The following ABTB2 variants were observed in gnomAD, a reference collection of about 807,000 sequenced individuals.
ABTB2 encodes ankyrin repeat and BTB domain containing 2, also known as ankyrin repeat and BTB/POZ domain-containing protein 2.
ABTB2 carries 56 observed loss-of-function variants against 104.1 expected under a neutral mutation model. The observed-to-expected ratio is 0.54, with a 90% CI of 0.43 to 0.67. The LOEUF is 0.67. Ranked by LOEUF, ABTB2 falls within the 30% of genes least tolerant of loss-of-function variation. The pLI is 0.00. For missense variants in ABTB2, 1,279 were observed against 1,407.7 expected (o/e 0.91, Z 1.46); for synonymous variants, 606 against 608.2 (o/e 1.00, Z 0.05).
chr11:34,309,500 A>C (rs1854824038), intron 1 of ABTB2, among the ~76,000 whole-genome samples: 2 of 152,228 alleles, frequency 1.3e-5, no homozygotes, highest in Admixed American at 6.5e-5. Context: ...TGCTGGGAGC[A>C]GAGGAGAAAC....
chr11:34,324,250 A>G (rs1165826780), intron 1 of ABTB2, among the ~76,000 whole-genome samples: 1 of 152,184 alleles, frequency 6.6e-6, no homozygotes, highest in Non-Finnish European at 1.5e-5. Context: ...CAACAGTCCT[A>G]TGAGGACAGA....
intron 12 of ABTB2, 118 bp downstream of exon 12, chr11:34,160,130 A>G: frequency 7.9e-7 from 1 of 1,266,798 alleles, no homozygotes; most frequent in Non-Finnish European, 1.1e-6. Context: ...GAACAGAGAA[A>G]CTGAGGCTGG....
intron 16 of ABTB2, among the ~76,000 whole-genome samples, chr11:34,153,357 A>T (rs1397100568): frequency 6.6e-6 from 1 of 152,006 alleles, no homozygotes; most frequent in Non-Finnish European, 1.5e-5. Context: ...GGAGTAACAC[A>T]GTCTTTGTAC....
chr11:34,170,526 A>G (rs1247838208), intron 5 of ABTB2, among the ~76,000 whole-genome samples: 1 of 152,160 alleles, frequency 6.6e-6, no homozygotes, highest in Non-Finnish European at 1.5e-5. Context: ...TGGTATCTCC[A>G]TGAGGACAAG....
chr11:34,240,369 C>A (rs1853899868), intron 1 of ABTB2, among the ~76,000 whole-genome samples: 2 of 152,188 alleles, frequency 1.3e-5, no homozygotes, highest in African/African-American at 4.8e-5. Flanking sequence ...ATCCACCTGG[C>A]CACTGCACAA....
intron 3 of ABTB2, among the ~76,000 whole-genome samples, chr11:34,184,629 C>T (rs1463955567): frequency 6.6e-6 from 1 of 152,252 alleles, no homozygotes; most frequent in African/African-American, 2.4e-5. Context: ...GGACATCTGC[C>T]TCATTTCTCA....
At chr11:34,218,882 T>C (rs1168877218) in intron 1 of ABTB2, among the ~76,000 whole-genome samples, 10 of 151,132 alleles carry the variant, frequency 6.6e-5, no homozygotes, top group Non-Finnish European at 1.5e-5. Flanking sequence ...AGACTATCCA[T>C]TGTTTACCTT....
At chr11:34,268,931 T>G (rs942965458) in intron 1 of ABTB2, among the ~76,000 whole-genome samples, 2 of 152,160 alleles carry the variant, frequency 1.3e-5, no homozygotes, top group Non-Finnish European at 1.5e-5. Flanking sequence ...GCTAACTACA[T>G]CCACACCTAC....
At chr11:34,211,557 A>C (rs12286749) in intron 1 of ABTB2, among the ~76,000 whole-genome samples, 23,172 of 152,020 alleles carry the variant, frequency 0.15, 1,875 homozygotes, top group East Asian at 0.27. Flanking sequence ...GTGGAATGGA[A>C]TATGCCCCAG....
chr11:34,165,732 G>A (rs566059973), intron 7 of ABTB2, among the ~76,000 whole-genome samples: 5 of 152,370 alleles, frequency 3.3e-5, no homozygotes, highest in South Asian at 2.1e-4. Flanking sequence ...GTGGCAGCAC[G>A]TGTTGGAGTC....
At chr11:34,163,319 T>C (rs1852750329) in intron 9 of ABTB2, among the ~76,000 whole-genome samples, 1 of 152,188 alleles carries the variant, frequency 6.6e-6, no homozygotes, top group South Asian at 2.1e-4. Context: ...CCCTTCATGT[T>C]GATAAGGATG....
intron 1 of ABTB2, among the ~76,000 whole-genome samples, chr11:34,275,484 T>C (rs1854372396): frequency 1.4e-5 from 2 of 148,070 alleles, no homozygotes; most frequent in Non-Finnish European, 3.0e-5. Context: ...CAGGGCTCTC[T>C]TTTTTTTTTG....
chr11:34,286,796 G>A (rs1172062691), intron 1 of ABTB2, among the ~76,000 whole-genome samples: 1 of 152,172 alleles, frequency 6.6e-6, no homozygotes, highest in Non-Finnish European at 1.5e-5. Flanking sequence ...TCCCCTTGGA[G>A]GCTTAGAAAC....
intron 3 of ABTB2, 34 bp downstream of exon 3, chr11:34,197,291 C>T (rs766286554): frequency 6.2e-7 from 1 of 1,606,554 alleles, no homozygotes; most frequent in South Asian, 1.1e-5. Context: ...GGGAGCACGT[C>T]CCACCAGGTG....
intron 1 of ABTB2, among the ~76,000 whole-genome samples, chr11:34,288,054 A>C (rs1335105693): frequency 6.6e-6 from 1 of 152,058 alleles, no homozygotes; most frequent in East Asian, 1.9e-4. Context: ...TGAATCCCAA[A>C]TCCATGAAAA....
At chr11:34,334,306 T>A (rs1365680135) in intron 1 of ABTB2, among the ~76,000 whole-genome samples, 1 of 152,194 alleles carries the variant, frequency 6.6e-6, no homozygotes, top group African/African-American at 2.4e-5. Flanking sequence ...TCCAGGCAAC[T>A]TAAATATCCC....
In ABTB2 at chr11:34,154,871, T is replaced by TGACCCTCTGCAGGTCCCC; in HGVS notation, c.2698-103_2698-102insGGGGACCTGCAGAGGGTC. The TGACCCTCTGCAGGTCCCC allele has an allele frequency of 8.8e-7, 1 of 1,142,794 alleles. No homozygotes were observed. Among genetic ancestry groups the TGACCCTCTGCAGGTCCCC allele is most frequent in the Non-Finnish European group, 1.3e-6 (1 of 774,074 alleles). The allele number at this position is 1,142,794 out of a possible 1,614,324, so 70.8% of individuals were successfully genotyped here. On this transcript the variant is annotated intron_variant, in intron 14 of 16. Coordinates refer to ENST00000435224, the MANE Select transcript of ABTB2 (RefSeq NM_145804.3). This position sits in a 1 kb window ranked among gnomAD's most constrained non-coding sequence, Gnocchi z 4.9. ...GCTCCAGCTGCCGCCTCCAGGGGCCTGTCCCTCTGCAGGTCCCCAGCTCTG... is the reference window on the plus strand; with the variant it reads ...GCTCCAGCTGCCGCCTCCAGGGGCCTGACCCTCTGCAGGTCCCCGTCCCTCTGCAGGTCCCCAGCTCTG...
intron 3 of ABTB2, among the ~76,000 whole-genome samples, chr11:34,184,659 G>A (rs1041991039): frequency 2.0e-5 from 3 of 152,244 alleles, no homozygotes; most frequent in Admixed American, 1.3e-4. Flanking sequence ...TCCCCAGCAT[G>A]GCTGCCCCAG....
chr11:34,171,089 A>G lies in ABTB2; in HGVS notation c.1398-18T>C. On this transcript the variant is annotated intron_variant, in intron 4 of 16. Coordinates refer to ENST00000435224, the MANE Select transcript of ABTB2 (RefSeq NM_145804.3). ...GTTCGGGTCTGCCCAGAAGAGACCC[A>G]AAGGTGCGTGTGACTGTATGCAGAC... The G allele has an allele frequency of 1.2e-6, 2 of 1,612,298 alleles. No homozygotes were observed. The highest frequency in any genetic ancestry group is 1.7e-6 in the Non-Finnish European group (2 of 1,178,968).
Sources: allele counts gnomAD v4.1 joint callset (sites outside exome capture counted in the v4.1 genomes callset), GRCh38; gene constraint gnomAD v4.1.1; non-coding constraint Gnocchi (gnomAD v3.1); transcripts MANE v1.5; gene names NCBI Gene and HGNC (gene_info 2026-07-23, HGNC 2026-07-21).